Variants in DCDC2 observed in about 807,000 individuals in gnomAD.
The protein encoded by DCDC2 is doublecortin domain containing 2, also known as doublecortin domain-containing protein 2.
A neutral mutation model predicts 50.2 loss-of-function variants in DCDC2; 40 were observed. That is an observed-to-expected ratio of 0.80 (90% CI 0.62 to 1.04). The LOEUF (loss-of-function observed/expected upper bound fraction) is 1.04, where lower values mean the gene tolerates loss of function less well. Ranked by LOEUF, DCDC2 falls within the 50% of genes least tolerant of loss-of-function variation. DCDC2 has a pLI of 0.00. For synonymous variants in DCDC2, 234 were observed against 210.6 expected (o/e 1.11, Z -0.96); for missense variants, 570 against 581.9 (o/e 0.98, Z 0.21).
chr6:24,238,078 G>GTTT (rs140189124), intron 7 of DCDC2, among the ~76,000 whole-genome samples: 810 of 55,944 alleles, frequency 0.014, 26 homozygotes, highest in African/African-American at 0.042. Flanking sequence ...AAAATAAAAG[G>GTTT]TTTTTTTTTT....
intron 7 of DCDC2, among the ~76,000 whole-genome samples, chr6:24,273,325 G>A (rs1406195016): frequency 6.6e-6 from 1 of 151,968 alleles, no homozygotes; most frequent in Non-Finnish European, 1.5e-5. Context: ...TACATCATGG[G>A]GACAATTTAC....
chr6:24,201,845 G>T (rs1185695113), intron 8 of DCDC2, among the ~76,000 whole-genome samples: 1 of 152,178 alleles, frequency 6.6e-6, no homozygotes, highest in Non-Finnish European at 1.5e-5. Flanking sequence ...ATTACCATCA[G>T]AGAATACTAT....
At chr6:24,358,078 C>A, upstream of DCDC2, 4 of 785,316 alleles carry the variant, frequency 5.1e-6, no homozygotes, top group Middle Eastern at 3.8e-4. Context: ...GCCGGAAACG[C>A]GCGGGGCCTT....
In DCDC2 at chr6:24,207,252, A is replaced by C. The variant is rs374952736; in HGVS notation, c.923-2150T>G. Among the ~76,000 whole-genome samples, 453 of 90,216 alleles carry C rather than the reference A, an allele frequency of 5.0e-3. 4 individuals carry two copies. Among genetic ancestry groups the C allele is most frequent in the African/African-American group, 0.017 (376 of 22,298 alleles). 59.2% of individuals were successfully genotyped at this position (90,216 alleles called of 152,430 possible). A position where few individuals can be genotyped will look rare whatever the true frequency, so the allele number is the denominator to read the frequency against. On this transcript the variant is annotated intron_variant, in intron 7 of 9. Coordinates refer to ENST00000378454, the MANE Select transcript of DCDC2 (RefSeq NM_016356.5). ...TTTCCTTCCCTCCCTCACTCCATCT[A>C]TCTTTCTCTCTCTCTCTCTCTCTCT...
At chr6:24,287,525 A>G (rs137996867) in intron 6 of DCDC2, among the ~76,000 whole-genome samples, 151 of 152,224 alleles carry the variant, frequency 9.9e-4, no homozygotes, top group African/African-American at 3.4e-3. Flanking sequence ...GATGACAAAG[A>G]TGCCTGCCTT....
chr6:24,277,789 G>C (rs1338377629), intron 7 of DCDC2, among the ~76,000 whole-genome samples: 4 of 150,088 alleles, frequency 2.7e-5, no homozygotes, highest in African/African-American at 1.0e-4. Flanking sequence ...TGGGAGCAGA[G>C]GATGAAAAAA....
intron 2 of DCDC2, among the ~76,000 whole-genome samples, chr6:24,304,473 ACT>A (rs1346973448): frequency 2.6e-5 from 4 of 152,220 alleles, no homozygotes; most frequent in African/African-American, 9.6e-5. Context: ...ACAAAGCGAG[ACT>A]CTGTCTCAAA....
intron 7 of DCDC2, among the ~76,000 whole-genome samples, chr6:24,259,404 T>C (rs1023743641): frequency 2.0e-5 from 3 of 152,206 alleles, no homozygotes; most frequent in Non-Finnish European, 4.4e-5. Flanking sequence ...ATATTCGCAG[T>C]CACCATTATG....
chr6:24,247,813 G>A (rs114707196), intron 7 of DCDC2, among the ~76,000 whole-genome samples: 7 of 152,280 alleles, frequency 4.6e-5, no homozygotes, highest in East Asian at 1.9e-4. Flanking sequence ...GGTGGCTCAC[G>A]CCTTTAATTC....
At chr6:24,278,856 T>C (rs918809435) in intron 6 of DCDC2, among the ~76,000 whole-genome samples, 2 of 152,232 alleles carry the variant, frequency 1.3e-5, no homozygotes, top group African/African-American at 4.8e-5. Context: ...ACGAGTCTGT[T>C]GGTGACCACC....
the DCDC2 span, among the ~76,000 whole-genome samples, chr6:24,363,304 G>A: frequency 6.6e-6 from 1 of 152,006 alleles, no homozygotes; most frequent in Non-Finnish European, 1.5e-5. Context: ...GACCAGCCTG[G>A]CCAACATGGC....
At chr6:24,291,150 A>G (rs1326799907) in intron 4 of DCDC2, 72 bp from the exon 5 acceptor site, 2 of 1,449,496 alleles carry the variant, frequency 1.4e-6, no homozygotes, top group African/African-American at 2.9e-5. Flanking sequence ...ATTACAAAGT[A>G]TTCTGGATGT....
At chr6:24,182,425 T>C (rs1293294967) in intron 8 of DCDC2, among the ~76,000 whole-genome samples, 2 of 152,074 alleles carry the variant, frequency 1.3e-5, no homozygotes, top group Non-Finnish European at 2.9e-5. Flanking sequence ...AAAGGCTTGA[T>C]ATCTAGAATA....
intron 7 of DCDC2, among the ~76,000 whole-genome samples, chr6:24,258,909 T>C (rs76836092): frequency 0.025 from 3,848 of 152,296 alleles, 87 homozygotes; most frequent in African/African-American, 0.054. Context: ...ACTTGTGCTA[T>C]AAAACCTGAA....
At chr6:24,292,568 G>GT (rs1348946294) in intron 4 of DCDC2, among the ~76,000 whole-genome samples, 1 of 152,200 alleles carries the variant, frequency 6.6e-6, no homozygotes, top group Non-Finnish European at 1.5e-5. Context: ...AGAATTCTAT[G>GT]TTTTTTGCCT....
chr6:24,354,561 T>C (rs905170673), intron 1 of DCDC2, among the ~76,000 whole-genome samples: 1 of 152,160 alleles, frequency 6.6e-6, no homozygotes, highest in Non-Finnish European at 1.5e-5. Context: ...TGCCCCTATA[T>C]AAAAGTAGTC....
At chr6:24,232,229 C>G (rs1362403991) in intron 7 of DCDC2, among the ~76,000 whole-genome samples, 1 of 152,164 alleles carries the variant, frequency 6.6e-6, no homozygotes, top group Admixed American at 6.5e-5. Flanking sequence ...TGACGTACAT[C>G]TCAATTAACC....
At chr6:24,199,857 C>T (rs916980827) in intron 8 of DCDC2, among the ~76,000 whole-genome samples, 2 of 152,078 alleles carry the variant, frequency 1.3e-5, no homozygotes, top group Admixed American at 6.5e-5. Context: ...AAAAGAACTT[C>T]GTGAAACATA....
chr6:24,233,085 A>G (rs528610728), intron 7 of DCDC2, among the ~76,000 whole-genome samples: 156 of 152,368 alleles, frequency 1.0e-3, no homozygotes, highest in Middle Eastern at 3.4e-3. Flanking sequence ...GAGGTGTCCT[A>G]TCTGATGACA....
Sources: gnomAD v4.1 joint callset for allele counts (sites outside exome capture counted in the v4.1 genomes callset) on GRCh38, gnomAD v4.1.1 for gene constraint, MANE v1.5 for transcripts, NCBI Gene and HGNC (gene_info 2026-07-23, HGNC 2026-07-21) for gene names.